Variants in EEIG2 observed in about 807,000 individuals in gnomAD.
The protein encoded by EEIG2 is family with sequence similarity 102 member B.
chr1:108,616,311 T>A, the EEIG2 span: 4 of 938,290 alleles, frequency 4.3e-6, no homozygotes, highest in African/African-American at 6.7e-5. Flanking sequence ...ATAGAAAATA[T>A]CGGACTAAGT....
At chr1:108,600,503 G>A in the EEIG2 span, 4 of 1,560,998 alleles carry the variant, frequency 2.6e-6, no homozygotes, top group East Asian at 4.5e-5. Flanking sequence ...GAAAGTATGG[G>A]TGTGCTTTTT....
At chr1:108,567,136 T>G in the EEIG2 span, among the ~76,000 whole-genome samples, 1 of 152,158 alleles carries the variant, frequency 6.6e-6, no homozygotes, top group Non-Finnish European at 1.5e-5. Flanking sequence ...TCAACTATAT[T>G]TTAATATAGT....
the EEIG2 span, chr1:108,616,488 T>A: frequency 8.8e-7 from 1 of 1,137,304 alleles, no homozygotes; most frequent in Non-Finnish European, 1.3e-6. Context: ...ATTTATTTGT[T>A]TAAATTTTTA....
chr1:108,621,325 G>C, the EEIG2 span, among the ~76,000 whole-genome samples: 1 of 152,186 alleles, frequency 6.6e-6, no homozygotes, highest in Non-Finnish European at 1.5e-5. Flanking sequence ...GAGTTGTCCA[G>C]GGAGGTAAGA....
the EEIG2 span, chr1:108,627,574 A>C: frequency 6.6e-6 from 1 of 152,282 alleles, no homozygotes; most frequent in Admixed American, 6.5e-5. Context: ...ATTTACTTTG[A>C]ATATGAATAC....
At chr1:108,633,049 T>C in the EEIG2 span, among the ~76,000 whole-genome samples, 1 of 148,954 alleles carries the variant, frequency 6.7e-6, no homozygotes, top group African/African-American at 2.5e-5. Flanking sequence ...CCTCTCAAAG[T>C]GCTGAGATTA....
At chr1:108,617,225 CTGAG>C in the EEIG2 span, among the ~76,000 whole-genome samples, 5 of 152,122 alleles carry the variant, frequency 3.3e-5, no homozygotes, top group South Asian at 8.3e-4. Context: ...CACTCACACT[CTGAG>C]TGAGATAGAA....
chr1:108,573,391 C>T, the EEIG2 span, among the ~76,000 whole-genome samples: 1 of 152,166 alleles, frequency 6.6e-6, no homozygotes, highest in Non-Finnish European at 1.5e-5. Context: ...GATTTCTCAC[C>T]TGGAGGTCCA....
At chr1:108,575,484 T>C in the EEIG2 span, among the ~76,000 whole-genome samples, 2 of 152,106 alleles carry the variant, frequency 1.3e-5, no homozygotes, top group South Asian at 2.1e-4. Context: ...GAAAAGAAAA[T>C]ATAATGTCAC....
the EEIG2 span, among the ~76,000 whole-genome samples, chr1:108,576,826 TG>T: frequency 6.6e-6 from 1 of 152,052 alleles, no homozygotes; most frequent in Non-Finnish European, 1.5e-5. Flanking sequence ...ATGGGATGGC[TG>T]GGTCAAATGG....
chr1:108,602,303 G>A, the EEIG2 span, among the ~76,000 whole-genome samples: 2 of 152,280 alleles, frequency 1.3e-5, no homozygotes, highest in East Asian at 3.9e-4. Flanking sequence ...TACTGTCTGA[G>A]TTATGGATGA....
the EEIG2 span, among the ~76,000 whole-genome samples, chr1:108,595,354 G>A: frequency 2.0e-5 from 3 of 147,236 alleles, no homozygotes; most frequent in Non-Finnish European, 4.5e-5. Context: ...AAAATGTAGT[G>A]GCTTTTACAG....
At chr1:108,633,877 C>T in the EEIG2 span, among the ~76,000 whole-genome samples, 11 of 152,194 alleles carry the variant, frequency 7.2e-5, no homozygotes, top group Admixed American at 7.2e-4. Context: ...GCTTTGATCT[C>T]TGACTCCTTC....
At chr1:108,621,016 G>A in the EEIG2 span, among the ~76,000 whole-genome samples, 2 of 126,840 alleles carry the variant, frequency 1.6e-5, no homozygotes, top group African/African-American at 3.1e-5. Flanking sequence ...CTAAGCACAG[G>A]AGGTAGGTAG....
chr1:108,582,004 C>T, the EEIG2 span, among the ~76,000 whole-genome samples: 121,693 of 152,082 alleles, frequency 0.8, 51,353 homozygotes, highest in Non-Finnish European at 0.94. Context: ...GCCACAGCCA[C>T]CCCAACCCTT....
At chr1:108,619,712 C>A in the EEIG2 span, among the ~76,000 whole-genome samples, 1 of 152,040 alleles carries the variant, frequency 6.6e-6, no homozygotes, top group Non-Finnish European at 1.5e-5. Context: ...CATGGTGAAA[C>A]CCTGTCTCTA....
At chr1:108,603,957 G>A in the EEIG2 span, among the ~76,000 whole-genome samples, 4 of 152,148 alleles carry the variant, frequency 2.6e-5, no homozygotes, top group African/African-American at 9.7e-5. Flanking sequence ...GAACAAGGGT[G>A]GAATACACAA....
chr1:108,598,472 G>A, the EEIG2 span, among the ~76,000 whole-genome samples: 1,320 of 151,598 alleles, frequency 8.7e-3, 9 homozygotes, highest in Middle Eastern at 0.017. Context: ...TCCTCCAGCT[G>A]CCTGACAAGT....
At chr1:108,561,529 T>G in the EEIG2 span, among the ~76,000 whole-genome samples, 1 of 152,202 alleles carries the variant, frequency 6.6e-6, no homozygotes, top group South Asian at 2.1e-4. Context: ...GTCATCCCAT[T>G]TATAGTATAA....
Sources: allele counts gnomAD v4.1 joint callset (sites outside exome capture counted in the v4.1 genomes callset), GRCh38; gene constraint gnomAD v4.1.1; transcripts MANE v1.5; gene names NCBI Gene and HGNC (gene_info 2026-07-23, HGNC 2026-07-21).